Variants in ATP11A observed in about 807,000 individuals in gnomAD.
The protein encoded by ATP11A is ATPase phospholipid transporting 11A, also known as phospholipid-transporting ATPase IH.
A neutral mutation model predicts 154.4 loss-of-function variants in ATP11A; 81 were observed. The ratio of observed to expected loss-of-function variants is 0.52; its 90% CI spans 0.44 to 0.63. ATP11A has a LOEUF of 0.63. Among genes scored for constraint, ATP11A ranks in the 30% least tolerant of loss-of-function variants. ATP11A has a pLI of 0.00. For synonymous variants in ATP11A, 623 were observed against 585.9 expected (o/e 1.06, Z -0.91); for missense variants, 1,316 against 1,474.3 (o/e 0.89, Z 1.76).
At chr13:112,877,561 T>C (rs542877435) in intron 28 of ATP11A, among the ~76,000 whole-genome samples, 10 of 152,074 alleles carry the variant, frequency 6.6e-5, no homozygotes, top group African/African-American at 2.4e-4. Context: ...CAGGTGCAGC[T>C]TGGGGGTGTC....
At chr13:112,726,323 A>T (rs1163831322) in intron 1 of ATP11A, among the ~76,000 whole-genome samples, 3 of 146,188 alleles carry the variant, frequency 2.1e-5, no homozygotes, top group African/African-American at 7.7e-5. Context: ...CGTGCATGCA[A>T]AGAGAAGGCC....
At chr13:112,805,284 T>A (rs2078289765) in intron 3 of ATP11A, among the ~76,000 whole-genome samples, 1 of 152,236 alleles carries the variant, frequency 6.6e-6, no homozygotes, top group Non-Finnish European at 1.5e-5. Context: ...TTCCTGCCCC[T>A]TTCCTTCTAG....
intron 17 of ATP11A, among the ~76,000 whole-genome samples, chr13:112,843,672 T>C (rs1352750696): frequency 6.6e-6 from 1 of 152,154 alleles, no homozygotes; most frequent in Non-Finnish European, 1.5e-5. Flanking sequence ...TAAAGCAATG[T>C]TTGTCCTCGC....
In ATP11A at chr13:112,696,711, C is replaced by G. The variant is rs941157270; in HGVS notation, c.39+6256C>G. 1 of 152,328 alleles carries G rather than the reference C, an allele frequency of 6.6e-6. No individual in the cohort carries two copies. The highest frequency in any genetic ancestry group is 6.5e-5 in the Admixed American group (1 of 15,280). The allele number at this position is 152,328 out of a possible 1,614,324, so 9.4% of individuals were successfully genotyped here. ...TTCCCTTACCAAGGTCTCCATCACC[C>G]CCAGGCCCACCTCCCTCGGGCCCCT... On this transcript the variant is annotated intron_variant, in intron 1 of 29. Transcript: ENST00000375645. The surrounding 1 kb of genome is among the most constrained non-coding windows in gnomAD (Gnocchi z 6.2).
intron 1 of ATP11A, among the ~76,000 whole-genome samples, chr13:112,756,049 T>G (rs774263650): frequency 2.6e-5 from 4 of 151,308 alleles, no homozygotes; most frequent in African/African-American, 4.8e-5. Flanking sequence ...CACGGAAGCG[T>G]CACTCAGAGC....
chr13:112,832,588 G>C (rs1158519829), intron 13 of ATP11A, among the ~76,000 whole-genome samples: 1 of 151,606 alleles, frequency 6.6e-6, no homozygotes, highest in Non-Finnish European at 1.5e-5. Context: ...CTGAGCGCAC[G>C]TGAAGCCTCT....
At chr13:112,819,866 C>T (rs775598555) in intron 7 of ATP11A, 34 bp from the exon 8 acceptor site, 15 of 1,613,418 alleles carry the variant, frequency 9.3e-6, no homozygotes, top group Admixed American at 3.3e-5. Flanking sequence ...CCGCTGGGCG[C>T]GTCCGGTCAG....
chr13:112,703,641 G>T (rs186629570), intron 1 of ATP11A, among the ~76,000 whole-genome samples: 4 of 152,312 alleles, frequency 2.6e-5, no homozygotes, highest in Middle Eastern at 6.8e-3. Context: ...GTGGAACAAA[G>T]TTAGGTAATT....
chr13:112,691,868 C>T (rs983733098), intron 1 of ATP11A, among the ~76,000 whole-genome samples: 2 of 152,092 alleles, frequency 1.3e-5, no homozygotes, highest in African/African-American at 4.8e-5. Flanking sequence ...GTTTCCTGAT[C>T]TCGGGGAAGC....
intron 1 of ATP11A, among the ~76,000 whole-genome samples, chr13:112,771,114 A>C (rs1451812903): frequency 6.6e-6 from 1 of 152,116 alleles, no homozygotes; most frequent in African/African-American, 2.4e-5. Flanking sequence ...ATTTTTAAAA[A>C]ATCTCCTTTG....
chr13:112,752,021 C>T (rs1338140296), intron 1 of ATP11A, among the ~76,000 whole-genome samples: 1 of 152,160 alleles, frequency 6.6e-6, no homozygotes, highest in African/African-American at 2.4e-5. Context: ...CTGGAGTGCC[C>T]CATGCTTTTA....
At chr13:112,766,066 T>C (rs996505427) in intron 1 of ATP11A, among the ~76,000 whole-genome samples, 3 of 152,204 alleles carry the variant, frequency 2.0e-5, no homozygotes, top group Non-Finnish European at 4.4e-5. Context: ...ACGCAGCGTT[T>C]TCCGATGTGC....
intron 24 of ATP11A, among the ~76,000 whole-genome samples, chr13:112,862,142 T>A (rs1324560427): frequency 6.6e-6 from 1 of 152,272 alleles, no homozygotes; most frequent in East Asian, 1.9e-4. Context: ...TTGTGTTCTC[T>A]GTTCGTTGCT....
intron 17 of ATP11A, 139 bp from the exon 18 acceptor site, chr13:112,850,898 G>C (rs1370315438): frequency 7.0e-6 from 5 of 710,792 alleles, no homozygotes; most frequent in African/African-American, 1.8e-5. Context: ...TGTTTACTTA[G>C]TACTGTAAGT....
At position 112,831,470 on chromosome 13, in the gene ATP11A, C is replaced by T. The variant is rs749634977; in HGVS notation, c.1317C>T (p.His439=). The T allele has an allele frequency of 6.2e-6, 10 of 1,614,074 alleles. No homozygotes were observed. Among genetic ancestry groups the T allele is most frequent in the African/African-American group, 4.0e-5 (3 of 74,920 alleles). ...TCGAAGGCCATGTCTACGTGCCCCACGTCATCTGCAACGGGCAGGTCCTCC... is the reference window on the plus strand; with the variant it reads ...TCGAAGGCCATGTCTACGTGCCCCATGTCATCTGCAACGGGCAGGTCCTCC... ...CCIEGHVYVP[H]VICNGQVLPE... The change falls in exon 13 of 30, where the codon CAC becomes CAT. Residue 439 remains histidine (H), a synonymous_variant. Transcript: ENST00000375645.
At chr13:112,880,397 C>T (rs960628404) in intron 29 of ATP11A, 6 of 581,816 alleles carry the variant, frequency 1.0e-5, no homozygotes, top group Non-Finnish European at 1.4e-5. Flanking sequence ...AGCCCTCGCC[C>T]TGGCAGCTCC....
chr13:112,708,929 G>GT (rs1415785279), intron 1 of ATP11A, among the ~76,000 whole-genome samples: 1 of 152,184 alleles, frequency 6.6e-6, no homozygotes, highest in Non-Finnish European at 1.5e-5. Context: ...GAGTGATTTG[G>GT]TTCCTGTCTT....
chr13:112,832,799 T>C (rs2079131834), intron 13 of ATP11A, 61 bp from the exon 14 acceptor site: 1 of 1,567,746 alleles, frequency 6.4e-7, no homozygotes, highest in South Asian at 1.2e-5. Context: ...CTGCGCCTGT[T>C]TCCCTCTATC....
rs1487971120 is a variant in ATP11A, at chr13:112,792,476, G to A, written c.162+7219G>A. ...AATGCTAGTAGTTAAGACTTTTTAA[G>A]TGCCACAGAAGCTTGTTCTCAGCAA... On this transcript the variant is annotated intron_variant, in intron 2 of 29. Transcript: ENST00000375645. Among the ~76,000 whole-genome samples, 4 of 152,188 alleles carry A rather than the reference G, an allele frequency of 2.6e-5. No homozygotes were observed. In the East Asian group the frequency reaches 7.7e-4, roughly 29 times the overall value.
Sources: gnomAD v4.1 joint callset for allele counts (sites outside exome capture counted in the v4.1 genomes callset) on GRCh38, gnomAD v4.1.1 for gene constraint, Gnocchi (gnomAD v3.1) non-coding constraint, MANE v1.5 for transcripts, NCBI Gene and HGNC (gene_info 2026-07-23, HGNC 2026-07-21) for gene names.